JAG2: variants seen among roughly 807,000 people sequenced by gnomAD.
JAG2 encodes protein jagged-2.
A neutral mutation model predicts 141.7 loss-of-function variants in JAG2; 46 were observed. The observed-to-expected ratio is 0.32, with a 90% CI of 0.26 to 0.42. JAG2 has a LOEUF of 0.42. Ranked by LOEUF, JAG2 falls within the 10% of genes least tolerant of loss-of-function variation. JAG2 has a pLI of 1.00. For synonymous variants in JAG2, 862 were observed against 763.5 expected, an observed-to-expected ratio of 1.13 and a Z score of -2.13; for missense variants, 1,500 against 1,817.5, an observed-to-expected ratio of 0.83 and a Z score of 3.18.
intron 22 of JAG2, 102 bp downstream of exon 22, chr14:105,146,283 G>A: frequency 9.4e-7 from 1 of 1,065,872 alleles, no homozygotes; most frequent in East Asian, 2.4e-5. Flanking sequence ...ACGGCTCTCA[G>A]TCCATCCGGA....
chr14:105,162,646 G>A (rs1888783796), intron 2 of JAG2, among the ~76,000 whole-genome samples: 1 of 150,492 alleles, frequency 6.6e-6, no homozygotes, highest in African/African-American at 2.5e-5. Context: ...CACACCCCAA[G>A]GTCCAGGGCA....
At chr14:105,168,149 GGGGTC>G in intron 1 of JAG2, 42 bp from the exon 2 acceptor site, 1 of 1,433,562 alleles carries the variant, frequency 7.0e-7, no homozygotes, top group South Asian at 1.4e-5. Flanking sequence ...GGCGCGGGCC[GGGGTC>G]GGCGGGCCGG....
In JAG2 at chr14:105,143,469, C is replaced by A; in HGVS notation, c.3241+13G>T. On this transcript the variant is annotated intron_variant, in intron 25 of 25. Transcript: ENST00000331782. ...GCCTGGTGCCTTCCCAGGGGCCCAC[C>A]TCCCGCGCTTACCTGTGGAAGAGCC... is the stretch of plus-strand genomic sequence containing the variant. The A allele has an allele frequency of 6.5e-7, 1 of 1,545,086 alleles. No homozygotes were observed. The highest frequency in any genetic ancestry group is 2.4e-5 in the East Asian group (1 of 41,120).
In JAG2 at chr14:105,155,835, G is replaced by A. The variant is rs1888565584; in HGVS notation, c.630C>T (p.Phe210=). ...ENYYSATCNK[F]CRPRNDFFGH... ...CGAAAAAGTCGTTGCGGGGCCGGCA[G>A]AACTTGTTGCAAGTGGCGCTGTAGT... Residue 210 remains phenylalanine, a synonymous_variant, in exon 4 of 26, where the codon TTC becomes TTT. Transcript: ENST00000331782. 1 of 1,612,708 alleles carries A rather than the reference G, an allele frequency of 6.2e-7. No homozygotes were observed. Among genetic ancestry groups the A allele is most frequent in the Non-Finnish European group, 8.5e-7 (1 of 1,179,850 alleles).
intron 20 of JAG2, 111 bp downstream of exon 20, chr14:105,147,215 G>A: frequency 1.2e-6 from 1 of 806,316 alleles, no homozygotes; most frequent in Non-Finnish European, 2.1e-6. Flanking sequence ...GAGGCAGGAA[G>A]TAGTTGTGGC....
Position 105,157,766 on chromosome 14 carries a change from G to A in JAG2, c.418-3C>T. The A allele has an allele frequency of 1.3e-6, 2 of 1,575,026 alleles. No individual in the cohort carries two copies. Among genetic ancestry groups the A allele is most frequent in the Non-Finnish European group, 1.7e-6 (2 of 1,162,128 alleles). On this transcript the variant is annotated splice_region_variant and splice_polypyrimidine_tract_variant and intron_variant, in intron 2 of 25. Coordinates refer to ENST00000331782, the MANE Select transcript of JAG2 (RefSeq NM_002226.5). Reference sequence around the variant, plus strand: ...TCCACGATGAGGGTAAAGGAGCGCTGCAGACATGGGGAGGCGGGTCAGGTA... The same window carrying A: ...TCCACGATGAGGGTAAAGGAGCGCTACAGACATGGGGAGGCGGGTCAGGTA...
At chr14:105,156,313 C>G (rs1435377912) in intron 3 of JAG2, among the ~76,000 whole-genome samples, 1 of 152,126 alleles carries the variant, frequency 6.6e-6, no homozygotes, top group African/African-American at 2.4e-5. Context: ...GCTGCCAGGG[C>G]GTGAGTCTCA....
chr14:105,145,638 G>A, intron 23 of JAG2, 93 bp downstream of exon 23: 1 of 1,487,804 alleles, frequency 6.7e-7, no homozygotes, highest in Non-Finnish European at 9.1e-7. Flanking sequence ...GCCAACCAGG[G>A]CCTCCCTGCC....
At position 105,143,675 on chromosome 14, in the gene JAG2, G is replaced by A. The variant is rs587618479; in HGVS notation, c.3085-37C>T. 19 of 1,598,148 alleles carry A rather than the reference G, an allele frequency of 1.2e-5. No homozygotes were observed. The African/African-American group carries it at 1.3e-4, about 11-fold the overall frequency. The stretch of plus-strand genomic sequence containing the variant: ...AACGGCATTGTGGGGATGGCTCGAG[G>A]GCTCCAGGCTCCCAGCAGCCTGCCC... On this transcript the variant is annotated intron_variant, in intron 24 of 25. Coordinates refer to ENST00000331782, the MANE Select transcript of JAG2 (RefSeq NM_002226.5).
rs1281227558 is a variant in JAG2 at position 105,150,743 on chromosome 14, C to T, written c.1463G>A (p.Arg488Gln). The T allele has an allele frequency of 1.2e-5, 19 of 1,584,222 alleles. No individual in the cohort carries two copies. Among genetic ancestry groups the T allele is most frequent in the East Asian group, 2.3e-5 (1 of 43,456 alleles). Residue 488 changes from arginine to glutamine, a missense_variant, in exon 12 of 26, where the codon CGG (arginine) becomes CAG (glutamine). Around this residue, in one of 3 missense-constraint regions of JAG2, gnomAD observed 875 missense variants for 1,202.2 expected, o/e 0.73. Transcript: ENST00000331782. ...LVNGYQCVCP[R>Q]GFGGRHCELE... ...CTCGCAATGCCGGCCTCCGAAGCCC[C>T]GTGGGCACACACACTGGTACCCGTT... is the stretch of plus-strand genomic sequence containing the variant.
chr14:105,151,799 C>G (rs587651513), intron 7 of JAG2, 60 bp from the exon 8 acceptor site: 5 of 1,600,214 alleles, frequency 3.1e-6, no homozygotes, highest in Non-Finnish European at 3.4e-6. Context: ...TCCACAAGCA[C>G]TCCTCCCCAA....
chr14:105,164,592 C>A lies in JAG2; in HGVS notation c.417+3165G>T, dbSNP rs587668785. ...GTGGTGCTGAACCTCACACCTGCCACGAGCAGCTTAGGTAGCTCCAGGCAC... is the reference window on the plus strand; with the variant it reads ...GTGGTGCTGAACCTCACACCTGCCAAGAGCAGCTTAGGTAGCTCCAGGCAC... On this transcript the variant is annotated intron_variant, in intron 2 of 25. Coordinates refer to ENST00000331782, the MANE Select transcript of JAG2 (RefSeq NM_002226.5). Among the ~76,000 whole-genome samples the A allele has an allele frequency of 2.6e-5, 4 of 152,356 alleles. No homozygotes were observed. In the South Asian group the frequency reaches 8.3e-4, roughly 32 times the overall value.
At chr14:105,160,473 C>T (rs887550277) in intron 2 of JAG2, among the ~76,000 whole-genome samples, 22 of 151,486 alleles carry the variant, frequency 1.5e-4, no homozygotes, top group African/African-American at 4.9e-4. Context: ...TCGTTCACAT[C>T]AAGTGTACAG....
At chr14:105,164,340 T>C (rs1888847201) in intron 2 of JAG2, among the ~76,000 whole-genome samples, 1 of 152,080 alleles carries the variant, frequency 6.6e-6, no homozygotes, top group South Asian at 2.1e-4. Context: ...TCCCCAGGGC[T>C]CTGGGCCCCA....
At chr14:105,160,966 G>C (rs1888729884) in intron 2 of JAG2, among the ~76,000 whole-genome samples, 1 of 152,142 alleles carries the variant, frequency 6.6e-6, no homozygotes, top group Admixed American at 6.5e-5. Flanking sequence ...GAGCCCACAA[G>C]AAGGCCCAGG....
chr14:105,147,228 C>T, intron 20 of JAG2, 98 bp downstream of exon 20: 1 of 916,186 alleles, frequency 1.1e-6, no homozygotes, highest in East Asian at 2.6e-5. Context: ...GTTGTGGCCA[C>T]ACTGCCCTTC....
intron 2 of JAG2, among the ~76,000 whole-genome samples, chr14:105,161,673 C>A (rs1173901821): frequency 6.6e-6 from 1 of 152,208 alleles, no homozygotes; most frequent in East Asian, 1.9e-4. Flanking sequence ...CCTGCCAGCT[C>A]TCCCAGCTCC....
At chr14:105,159,133 TCCC>T (rs1175607333) in intron 2 of JAG2, among the ~76,000 whole-genome samples, 1 of 145,836 alleles carries the variant, frequency 6.9e-6, no homozygotes, top group Non-Finnish European at 1.5e-5. Flanking sequence ...CCCCACCCAG[TCCC>T]CCGCCCCACA....
chr14:105,167,832 TC>T lies in JAG2; in HGVS notation c.341del (p.Arg114GlnfsTer49), dbSNP rs1392145245. ...YLPPAGAAGD[R>X]ARARARAGGD... is the part of the protein sequence containing the mutation. ...CGCCGGCCCGGGCCCGCGCCCGCGCTCGGTCCCCCGCAGCGCCCGCCGGCGG... is the reference window on the plus strand; with the variant it reads ...CGCCGGCCCGGGCCCGCGCCCGCGCTGGTCCCCCGCAGCGCCCGCCGGCGG... On this transcript the variant is annotated frameshift_variant, in exon 2 of 26. Transcript: ENST00000331782. LOFTEE classifies it high-confidence loss of function. This position sits in a 1 kb window ranked among gnomAD's most constrained non-coding sequence, Gnocchi z 4.8. The T allele has an allele frequency of 6.8e-7, 1 of 1,479,574 alleles. No homozygotes were observed. The highest frequency in any genetic ancestry group is 1.5e-5 in the African/African-American group (1 of 67,434). 91.7% of individuals were successfully genotyped at this position (1,479,574 alleles called of 1,614,324 possible).
Sources: gnomAD v4.1 joint callset for allele counts (sites outside exome capture counted in the v4.1 genomes callset) on GRCh38, gnomAD v4.1.1 for gene constraint, gnomAD v4.1.1 regional missense constraint, Gnocchi (gnomAD v3.1) non-coding constraint, MANE v1.5 for transcripts, NCBI Gene and HGNC (gene_info 2026-07-23, HGNC 2026-07-21) for gene names.